PTPRG: variants seen among roughly 807,000 people sequenced by gnomAD.
PTPRG encodes the protein receptor-type tyrosine-protein phosphatase gamma.
PTPRG carries 102 observed loss-of-function variants against 165.3 expected under a neutral mutation model. The observed-to-expected ratio is 0.62, with a 90% CI of 0.53 to 0.73. The LOEUF (loss-of-function observed/expected upper bound fraction) is 0.73, where lower values mean the gene tolerates loss of function less well. Among genes scored for constraint, PTPRG ranks in the 30% least tolerant of loss-of-function variants. The pLI is 0.00. For missense variants in PTPRG, 1,866 were observed against 1,861.4 expected, an observed-to-expected ratio of 1.00 and a Z score of -0.05; for synonymous variants, 675 against 669.5, an observed-to-expected ratio of 1.01 and a Z score of -0.13.
chr3:61,569,733 C>A (rs796149564), intron 1 of PTPRG, among the ~76,000 whole-genome samples: 1 of 152,114 alleles, frequency 6.6e-6, no homozygotes, highest in Non-Finnish European at 1.5e-5. Context: ...TATAAACATA[C>A]GTGATGGGTT....
intron 1 of PTPRG, among the ~76,000 whole-genome samples, chr3:61,712,782 ATCT>A (rs1156621868): frequency 3.3e-5 from 5 of 152,212 alleles, no homozygotes; most frequent in Non-Finnish European, 5.9e-5. Flanking sequence ...TCAAAGGAAT[ATCT>A]TCTTTTGCTT....
chr3:61,798,759 G>C (rs1364687060), intron 2 of PTPRG, among the ~76,000 whole-genome samples: 5 of 151,694 alleles, frequency 3.3e-5, no homozygotes, highest in Non-Finnish European at 7.4e-5. Flanking sequence ...CAGCCCATCT[G>C]ATAACTCAAG....
chr3:62,141,313 A>G (rs1327662631), intron 6 of PTPRG, among the ~76,000 whole-genome samples: 2 of 152,154 alleles, frequency 1.3e-5, no homozygotes, highest in East Asian at 3.9e-4. Context: ...ATGTGTACCA[A>G]GAGATGTATA....
chr3:61,738,158 A>G (rs965988967), intron 1 of PTPRG, among the ~76,000 whole-genome samples: 16 of 148,586 alleles, frequency 1.1e-4, no homozygotes, highest in African/African-American at 3.9e-4. Flanking sequence ...TCGGCCTCCC[A>G]AAGTGCTGGG....
At chr3:61,772,387 C>T (rs936568806) in intron 2 of PTPRG, among the ~76,000 whole-genome samples, 6 of 151,954 alleles carry the variant, frequency 3.9e-5, no homozygotes, top group Non-Finnish European at 8.8e-5. Context: ...ATTCACATTA[C>T]TCCTTTTCCG....
chr3:61,930,455 A>G (rs1311032282), intron 2 of PTPRG, among the ~76,000 whole-genome samples: 1 of 152,172 alleles, frequency 6.6e-6, no homozygotes, highest in Non-Finnish European at 1.5e-5. Flanking sequence ...CCCAGCACAC[A>G]GATTATCACT....
intron 1 of PTPRG, among the ~76,000 whole-genome samples, chr3:61,643,277 A>AG (rs1559537079): frequency 8.0e-5 from 12 of 149,740 alleles, no homozygotes; most frequent in African/African-American, 2.2e-4. Flanking sequence ...GAGAGAGAGA[A>AG]AGAGAGAGAG....
intron 4 of PTPRG, among the ~76,000 whole-genome samples, chr3:62,008,953 A>G (rs149655329): frequency 1.3e-5 from 2 of 152,324 alleles, no homozygotes; most frequent in Non-Finnish European, 2.9e-5. Context: ...TGTGCCATGT[A>G]TATTTCAGAA....
intron 2 of PTPRG, among the ~76,000 whole-genome samples, chr3:61,818,213 G>A (rs1373905673): frequency 1.3e-5 from 2 of 152,082 alleles, no homozygotes; most frequent in African/African-American, 4.8e-5. Flanking sequence ...AGGAAATACG[G>A]AGCAGCACTC....
intron 1 of PTPRG, among the ~76,000 whole-genome samples, chr3:61,651,893 C>G (rs560092082): frequency 2.2e-4 from 33 of 152,102 alleles, no homozygotes; most frequent in African/African-American, 7.2e-4. Context: ...ACCTGTAGTC[C>G]CAGTTATTCG....
intron 2 of PTPRG, among the ~76,000 whole-genome samples, chr3:61,780,458 T>C (rs184764750): frequency 3.3e-5 from 5 of 152,356 alleles, no homozygotes. Context: ...GTGAATATTG[T>C]ATTTGTTCAC....
chr3:61,704,018 G>C (rs551190007), intron 1 of PTPRG, among the ~76,000 whole-genome samples: 2 of 152,312 alleles, frequency 1.3e-5, no homozygotes, highest in South Asian at 4.1e-4. Context: ...TGAGGGTAGA[G>C]AGGTAAACAA....
At chr3:61,743,189 G>C in intron 1 of PTPRG, 1 of 745,088 alleles carries the variant, frequency 1.3e-6, no homozygotes, top group East Asian at 2.7e-5. Flanking sequence ...AAATGAGGTA[G>C]GCTCAGTAGA....
chr3:61,588,258 A>C (rs577844274), intron 1 of PTPRG, among the ~76,000 whole-genome samples: 8 of 152,308 alleles, frequency 5.3e-5, no homozygotes, highest in African/African-American at 1.9e-4. Context: ...TGGTACTCTT[A>C]CTGCAGGGAG....
intron 5 of PTPRG, among the ~76,000 whole-genome samples, chr3:62,097,758 A>G (rs1702165260): frequency 6.6e-6 from 1 of 152,186 alleles, no homozygotes; most frequent in South Asian, 2.1e-4. Flanking sequence ...ATTATTTTAT[A>G]AGGTACACAA....
At chr3:62,118,582 G>A (rs1026251527) in intron 5 of PTPRG, 1 of 152,090 alleles carries the variant, frequency 6.6e-6, no homozygotes, top group Non-Finnish European at 1.5e-5. Context: ...TAATAATGAC[G>A]ACTATTATTT....
At position 61,676,332 on chromosome 3, in the gene PTPRG, G is replaced by T. The variant is rs142770230; in HGVS notation, c.86-72546G>T. ...ATTAGCTGGGTGTGGTGGCGGGCAC[G>T]TGAAATCCCAGCTACTCGGGAGGCT... On this transcript the variant is annotated intron_variant, in intron 1 of 29. Transcript: ENST00000474889. 4.9e-3 allele frequency among the ~76,000 whole-genome samples: 734 copies of T among 151,010 alleles called. 8 individuals carry two copies. The highest frequency in any genetic ancestry group is 0.017 in the African/African-American group (709 of 41,198).
At chr3:61,866,838 C>G (rs974331777) in intron 2 of PTPRG, among the ~76,000 whole-genome samples, 2 of 152,054 alleles carry the variant, frequency 1.3e-5, no homozygotes, top group Non-Finnish European at 2.9e-5. Flanking sequence ...AACTCGTGAT[C>G]CATCCGCCTT....
chr3:61,707,809 G>C (rs910334020), intron 1 of PTPRG, among the ~76,000 whole-genome samples: 8 of 152,108 alleles, frequency 5.3e-5, no homozygotes, highest in Non-Finnish European at 1.0e-4. Context: ...TTATTTTTGA[G>C]ACAGGGTCTC....
Sources: allele counts gnomAD v4.1 joint callset (sites outside exome capture counted in the v4.1 genomes callset), GRCh38; gene constraint gnomAD v4.1.1; transcripts MANE v1.5; gene names NCBI Gene and HGNC (gene_info 2026-07-23, HGNC 2026-07-21).